The following RAD51B variants were observed in gnomAD, a reference collection of about 807,000 sequenced individuals.
RAD51B encodes the protein RAD51 paralog B.
In RAD51B, 38 loss-of-function variants were observed where a neutral mutation model predicts 42.2. That is an observed-to-expected ratio of 0.90 (90% CI 0.70 to 1.18). The LOEUF is 1.18. Among genes scored for constraint, RAD51B ranks in the 50% most tolerant of loss-of-function variants. RAD51B has a pLI of 0.00. For synonymous variants in RAD51B, 154 were observed against 145.2 expected (o/e 1.06, Z -0.43); for missense variants, 373 against 400.7 (o/e 0.93, Z 0.59).
intron 7 of RAD51B, among the ~76,000 whole-genome samples, chr14:67,970,264 A>G (rs1595183830): frequency 6.6e-6 from 1 of 152,302 alleles, no homozygotes; most frequent in East Asian, 1.9e-4. Flanking sequence ...TTCATTATTT[A>G]AGAAAGTTCT....
At chr14:68,046,055 A>C (rs552162605) in intron 7 of RAD51B, among the ~76,000 whole-genome samples, 1 of 152,082 alleles carries the variant, frequency 6.6e-6, no homozygotes, top group Non-Finnish European at 1.5e-5. Flanking sequence ...ATCTCATTCT[A>C]GTGAGGAAGG....
chr14:68,224,577 A>G (rs1409427028), intron 7 of RAD51B, among the ~76,000 whole-genome samples: 1 of 152,222 alleles, frequency 6.6e-6, no homozygotes, highest in Admixed American at 6.5e-5. Context: ...CTGTATGCAT[A>G]AGTAGGCATC....
At chr14:67,838,044 G>A (rs148713818) in intron 4 of RAD51B, among the ~76,000 whole-genome samples, 1 of 152,102 alleles carries the variant, frequency 6.6e-6, no homozygotes, top group African/African-American at 2.4e-5. Flanking sequence ...AACATGCAAG[G>A]TTTGTCTTTC....
chr14:68,406,624 C>A (rs1215436216), intron 8 of RAD51B, among the ~76,000 whole-genome samples: 1 of 152,152 alleles, frequency 6.6e-6, no homozygotes, highest in Non-Finnish European at 1.5e-5. Flanking sequence ...ACTTCATAAA[C>A]CCCGTATCCT....
At chr14:68,433,338 G>T (rs2085063022) in intron 9 of RAD51B, among the ~76,000 whole-genome samples, 1 of 152,150 alleles carries the variant, frequency 6.6e-6, no homozygotes, top group African/African-American at 2.4e-5. Flanking sequence ...ATCCTGCAGA[G>T]TGTTTTCCAA....
chr14:68,673,652 A>C (rs951194603), intron 11 of RAD51B, among the ~76,000 whole-genome samples: 4 of 151,906 alleles, frequency 2.6e-5, no homozygotes, highest in Admixed American at 6.6e-5. Flanking sequence ...ATACATGCAC[A>C]CACATACACA....
chr14:67,822,737 C>CTA (rs1238415689), intron 1 of RAD51B, among the ~76,000 whole-genome samples: 43 of 151,434 alleles, frequency 2.8e-4, no homozygotes, highest in African/African-American at 9.2e-4. Flanking sequence ...CTCTCTCTCT[C>CTA]TCTATATATA....
At chr14:68,276,537 G>A (rs1185529983) in intron 7 of RAD51B, among the ~76,000 whole-genome samples, 1 of 151,960 alleles carries the variant, frequency 6.6e-6, no homozygotes, top group Non-Finnish European at 1.5e-5. Context: ...TGTTTTCTGA[G>A]ATATTCAGCT....
intron 9 of RAD51B, among the ~76,000 whole-genome samples, chr14:68,463,173 G>T (rs895933689): frequency 6.6e-6 from 1 of 152,194 alleles, no homozygotes; most frequent in Non-Finnish European, 1.5e-5. Context: ...CTGGGGGGTT[G>T]TCTGCTTTGG....
rs571737935 is a variant in RAD51B, at chr14:68,525,311, T to A, written c.1036+57061T>A. Among the ~76,000 whole-genome samples the A allele has an allele frequency of 3.9e-5, 6 of 152,378 alleles. No homozygotes were observed. In the East Asian group the frequency reaches 9.6e-4, roughly 24 times the overall value. On this transcript the variant is annotated intron_variant, in intron 10 of 10. Coordinates refer to the RAD51B transcript ENST00000487270. ...TCCAGATGTCTTAATTTTAGCCCAG[T>A]GAGACCCATGTCAGACTTTTGGCCT... is the stretch of plus-strand genomic sequence containing the variant.
At chr14:68,527,183 G>A (rs1272599137) in intron 10 of RAD51B, among the ~76,000 whole-genome samples, 2 of 152,244 alleles carry the variant, frequency 1.3e-5, no homozygotes, top group African/African-American at 4.8e-5. Context: ...CTTTGGTATT[G>A]TTGGGACTGA....
chr14:68,321,255 T>C (rs2139764890), intron 8 of RAD51B, among the ~76,000 whole-genome samples: 1 of 152,308 alleles, frequency 6.6e-6, no homozygotes, highest in African/African-American at 2.4e-5. Context: ...TAAAAAGTAA[T>C]CTTGCTCCGT....
chr14:67,993,101 A>G lies in RAD51B; in HGVS notation c.756+105897A>G, dbSNP rs565251142. Among the ~76,000 whole-genome samples the G allele has an allele frequency of 7.9e-5, 12 of 152,306 alleles. No homozygotes were observed. In the South Asian group the frequency reaches 2.3e-3, roughly 29 times the overall value. ...TTTAATTTTTAATTTTTGTTGGTAC[A>G]TAGTAGTTCTGTATATTTATAGAGT... is the stretch of plus-strand genomic sequence containing the variant. On this transcript the variant is annotated intron_variant, in intron 7 of 10. Coordinates refer to ENST00000471583, the MANE Select transcript of RAD51B (RefSeq NM_133510.4).
intron 11 of RAD51B, among the ~76,000 whole-genome samples, chr14:68,654,208 A>G (rs1277827314): frequency 2.6e-5 from 4 of 152,232 alleles, no homozygotes; most frequent in Admixed American, 6.5e-5. Context: ...ATCTGAGTGG[A>G]GATGAAGACA....
chr14:67,971,210 G>GT (rs941031274), intron 7 of RAD51B, among the ~76,000 whole-genome samples: 35 of 151,754 alleles, frequency 2.3e-4, no homozygotes, highest in African/African-American at 9.7e-5. Flanking sequence ...GTTAGGAAAG[G>GT]TTTTTTTTCC....
intron 8 of RAD51B, among the ~76,000 whole-genome samples, chr14:68,359,507 T>G (rs1456633905): frequency 6.6e-6 from 1 of 152,076 alleles, no homozygotes; most frequent in Non-Finnish European, 1.5e-5. Flanking sequence ...TTCGAGGTAG[T>G]GAGTGGGAAA....
At chr14:68,194,710 CAG>C (rs1392927052) in intron 7 of RAD51B, among the ~76,000 whole-genome samples, 15 of 152,162 alleles carry the variant, frequency 9.9e-5, no homozygotes, top group Admixed American at 1.3e-4. Flanking sequence ...TCTGTAAACA[CAG>C]AGTGAGAATG....
At chr14:68,550,069 T>C (rs552741385) in intron 10 of RAD51B, among the ~76,000 whole-genome samples, 1 of 152,262 alleles carries the variant, frequency 6.6e-6, no homozygotes, top group Admixed American at 6.5e-5. Flanking sequence ...GGAGAGACTT[T>C]CTCACCCCTC....
At chr14:68,627,173 G>A (rs1892103906) in intron 10 of RAD51B, 1 of 152,206 alleles carries the variant, frequency 6.6e-6, no homozygotes, top group Non-Finnish European at 1.5e-5. Context: ...CTGTTGCCAT[G>A]AAATTGTTTA....
Sources: gnomAD v4.1 joint callset for allele counts (sites outside exome capture counted in the v4.1 genomes callset) on GRCh38, gnomAD v4.1.1 for gene constraint, MANE v1.5 for transcripts, NCBI Gene and HGNC (gene_info 2026-07-23, HGNC 2026-07-21) for gene names.